The following SCCPDH variants were observed in gnomAD, a reference collection of about 807,000 sequenced individuals.
SCCPDH encodes the protein saccharopine dehydrogenase-like oxidoreductase.
A neutral mutation model predicts 51.5 loss-of-function variants in SCCPDH; 34 were observed. The ratio of observed to expected loss-of-function variants is 0.66; its 90% CI spans 0.50 to 0.88. SCCPDH has a LOEUF of 0.88. Ranked by LOEUF, SCCPDH falls within the 40% of genes least tolerant of loss-of-function variation. The probability of loss-of-function intolerance (pLI) is 0.00; values close to 1 mark genes in which losing one functional copy is unlikely to be tolerated. For synonymous variants in SCCPDH, 187 were observed against 191.3 expected (o/e 0.98, Z 0.19); for missense variants, 464 against 527.1 (o/e 0.88, Z 1.17).
intron 4 of SCCPDH, among the ~76,000 whole-genome samples, chr1:246,741,334 A>G (rs1004824284): frequency 7.2e-5 from 11 of 152,320 alleles, no homozygotes; most frequent in African/African-American, 2.6e-4. Flanking sequence ...GCCATTTTAA[A>G]AAGTTTTTTA....
Position 246,724,465 on chromosome 1 carries a change from G to A in SCCPDH, c.43G>A (p.Ala15Thr), listed in dbSNP as rs1347408350. ...GCCTTTCCACCTGGTGGTGTTCGGC[G>A]CGTCTGGCTTCACCGGCCAGTTCGT... ...QRPFHLVVFG[A>T]SGFTGQFVTE... The change falls in exon 1 of 12, where the codon GCG becomes ACG. Residue 15 changes from alanine (A) to threonine (T), a missense_variant. Transcript: ENST00000366510. 1 of 1,590,538 alleles carries A rather than the reference G, an allele frequency of 6.3e-7. No homozygotes were observed. The highest frequency in any genetic ancestry group is 8.5e-7 in the Non-Finnish European group (1 of 1,171,152).
chr1:246,753,495 C>G (rs1171758919), intron 5 of SCCPDH, among the ~76,000 whole-genome samples: 1 of 152,052 alleles, frequency 6.6e-6, no homozygotes, highest in Non-Finnish European at 1.5e-5. Flanking sequence ...CTTCATCTTT[C>G]CCTTGCTGTA....
chr1:246,767,610 G>C lies in SCCPDH; in HGVS notation c.*310G>C, dbSNP rs1038418344. 3 of 174,088 alleles carry C rather than the reference G, an allele frequency of 1.7e-5. No homozygotes were observed. Among genetic ancestry groups the C allele is most frequent in the African/African-American group, 7.1e-5 (3 of 42,222 alleles). 10.8% of individuals were successfully genotyped at this position (174,088 alleles called of 1,614,324 possible). ...GGGAGGCGGCGTCCCAGTCTGTGTT[G>C]CAGCAGCATTCTCATCGGGGGTGCG... On this transcript the variant is annotated 3_prime_UTR_variant, in exon 12 of 12. Transcript: ENST00000366510.
chr1:246,724,637 C>A (rs1178984478), intron 1 of SCCPDH, 25 bp downstream of exon 1: 1 of 1,439,640 alleles, frequency 6.9e-7, no homozygotes, highest in South Asian at 1.4e-5. Context: ...CGGGACGGGG[C>A]TGCGCGGGCG....
chr1:246,726,685 C>G (rs557359900), intron 1 of SCCPDH, among the ~76,000 whole-genome samples: 1 of 152,246 alleles, frequency 6.6e-6, no homozygotes, highest in Non-Finnish European at 1.5e-5. Context: ...TTTAGTAACT[C>G]TTAGTGTTAA....
intron 4 of SCCPDH, among the ~76,000 whole-genome samples, chr1:246,741,644 G>C (rs1668678038): frequency 6.6e-6 from 1 of 152,094 alleles, no homozygotes; most frequent in Non-Finnish European, 1.5e-5. Context: ...CCAAGGTTTA[G>C]CATTAGGAAG....
chr1:246,751,517 G>GT (rs200999344), intron 5 of SCCPDH, among the ~76,000 whole-genome samples: 7,075 of 152,222 alleles, frequency 0.046, 196 homozygotes, highest in African/African-American at 0.06. Context: ...TTTACCAAAA[G>GT]TATATTTTAC....
At chr1:246,752,703 TTGTC>T (rs1448690700) in intron 5 of SCCPDH, among the ~76,000 whole-genome samples, 2 of 152,204 alleles carry the variant, frequency 1.3e-5, no homozygotes, top group Admixed American at 6.5e-5. Flanking sequence ...AATGTGTTCT[TTGTC>T]TGCGGTGGGG....
At chr1:246,745,202 T>G (rs973494813) in intron 5 of SCCPDH, among the ~76,000 whole-genome samples, 1 of 152,214 alleles carries the variant, frequency 6.6e-6, no homozygotes, top group African/African-American at 2.4e-5. Context: ...GACATTGACG[T>G]TGGGAACGTA....
At chr1:246,752,471 A>AT (rs149755841) in intron 5 of SCCPDH, among the ~76,000 whole-genome samples, 1 of 152,198 alleles carries the variant, frequency 6.6e-6, no homozygotes, top group Non-Finnish European at 1.5e-5. Flanking sequence ...TACAGGCAGA[A>AT]TTTGAGTGTT....
rs1364636888 is a variant in SCCPDH, at chr1:246,758,281, A to C, written c.620A>C (p.Gln207Pro). 1 of 1,610,374 alleles carries C rather than the reference A, an allele frequency of 6.2e-7. No homozygotes were observed. The highest frequency in any genetic ancestry group is 8.5e-7 in the Non-Finnish European group (1 of 1,177,882). The change falls in exon 6 of 12, where the codon CAG becomes CCG. Residue 207 changes from glutamine (Q) to proline (P), a missense_variant. Transcript: ENST00000366510. ...TCAGCAATTTATGGTTTTGGAGATC[A>C]GAGTAATTTGAGAAAACTAAGAAAT... ...WKSAIYGFGD[Q>P]SNLRKLRNVS... is the part of the protein sequence containing the mutation.
intron 2 of SCCPDH, among the ~76,000 whole-genome samples, chr1:246,729,605 G>T (rs1422397791): frequency 6.6e-6 from 1 of 152,004 alleles, no homozygotes; most frequent in African/African-American, 2.4e-5. Context: ...AGGATGCCCA[G>T]ATTTCATATT....
intron 2 of SCCPDH, among the ~76,000 whole-genome samples, chr1:246,731,733 A>ATTATAC (rs59324541): frequency 2.2e-4 from 33 of 152,034 alleles, no homozygotes; most frequent in African/African-American, 7.5e-4. Context: ...TGTTATTTTT[A>ATTATAC]TTTAAGTTCT....
chr1:246,737,010 T>A (rs778282997), intron 3 of SCCPDH, among the ~76,000 whole-genome samples: 7 of 152,192 alleles, frequency 4.6e-5, no homozygotes, highest in Non-Finnish European at 8.8e-5. Flanking sequence ...GGTCTTCAAT[T>A]GAGGTTTGCC....
At chr1:246,738,746 G>A (rs1265821642) in intron 3 of SCCPDH, among the ~76,000 whole-genome samples, 4 of 152,106 alleles carry the variant, frequency 2.6e-5, no homozygotes, top group African/African-American at 9.6e-5. Flanking sequence ...CCAGCTACTC[G>A]GGAAGCTGAG....
intron 5 of SCCPDH, among the ~76,000 whole-genome samples, chr1:246,750,376 C>A (rs2102987312): frequency 6.6e-6 from 1 of 152,266 alleles, no homozygotes; most frequent in South Asian, 2.1e-4. Context: ...GCAAACAGGG[C>A]AACCTATACA....
At chr1:246,749,777 C>CT (rs1668824174) in intron 5 of SCCPDH, among the ~76,000 whole-genome samples, 1 of 152,176 alleles carries the variant, frequency 6.6e-6, no homozygotes, top group African/African-American at 2.4e-5. Flanking sequence ...TCCTCCCAAA[C>CT]TAACTTATCT....
intron 3 of SCCPDH, 146 bp downstream of exon 3, chr1:246,736,201 A>G: frequency 1.6e-6 from 1 of 611,246 alleles, no homozygotes; most frequent in Non-Finnish European, 2.9e-6. Flanking sequence ...GTGGTATTCC[A>G]TTGATAGCTC....
rs577431501 is a variant in SCCPDH, at chr1:246,744,251, A to G, written c.564+126A>G. The stretch of plus-strand genomic sequence containing the variant: ...AAAGTCACCATGTTTAATTTTTAAA[A>G]AGATACATTGCCAAGATTACTTTGA... On this transcript the variant is annotated intron_variant, in intron 5 of 11. Coordinates refer to ENST00000366510, the MANE Select transcript of SCCPDH (RefSeq NM_016002.3). The G allele has an allele frequency of 1.1e-5, 5 of 452,146 alleles. No homozygotes were observed. The South Asian group carries it at 3.4e-4, about 31-fold the overall frequency. 28.0% of individuals were successfully genotyped at this position (452,146 alleles called of 1,614,324 possible). A position where few individuals can be genotyped will look rare whatever the true frequency, so the allele number is the denominator to read the frequency against.
Sources: gnomAD v4.1 joint callset for allele counts (sites outside exome capture counted in the v4.1 genomes callset) on GRCh38, gnomAD v4.1.1 for gene constraint, MANE v1.5 for transcripts, NCBI Gene and HGNC (gene_info 2026-07-23, HGNC 2026-07-21) for gene names.